VRTN: variants seen among roughly 807,000 people sequenced by gnomAD.
VRTN encodes the protein vertebrae development associated.
VRTN carries 5 observed loss-of-function variants against 18.2 expected under a neutral mutation model. The ratio of observed to expected loss-of-function variants is 0.27; its 90% CI spans 0.14 to 0.58. The LOEUF (loss-of-function observed/expected upper bound fraction) is 0.58. Ranked by LOEUF, VRTN falls within the 20% of genes least tolerant of loss-of-function variation. VRTN has a pLI of 0.91. For missense variants in VRTN, 741 were observed against 939.4 expected (o/e 0.79, Z 2.76); for synonymous variants, 381 against 393.7 (o/e 0.97, Z 0.38).
At chr14:74,308,882 T>G (rs1199180003) in intron 1 of VRTN, among the ~76,000 whole-genome samples, 1 of 141,274 alleles carries the variant, frequency 7.1e-6, no homozygotes, top group Non-Finnish European at 1.5e-5. Context: ...TTTTTTTTTT[T>G]GAGACAGTCT....
At chr14:74,351,787 C>G (rs1942274940) in intron 1 of VRTN, among the ~76,000 whole-genome samples, 2 of 151,764 alleles carry the variant, frequency 1.3e-5, no homozygotes, top group African/African-American at 4.8e-5. Context: ...GGGCTGATTA[C>G]CAATTTTTAA....
At chr14:74,351,213 C>A (rs1595174879) in intron 1 of VRTN, among the ~76,000 whole-genome samples, 1 of 152,318 alleles carries the variant, frequency 6.6e-6, no homozygotes, top group East Asian at 1.9e-4. Flanking sequence ...ACAGTTTGTT[C>A]TTCAGGATTC....
At chr14:74,308,516 G>C (rs574857866) in intron 1 of VRTN, among the ~76,000 whole-genome samples, 71 of 152,024 alleles carry the variant, frequency 4.7e-4, no homozygotes, top group Middle Eastern at 6.8e-3. Context: ...GCCCTTCAAG[G>C]CTTCTTTTTT....
At chr14:74,323,025 C>T (rs1402270602) in intron 1 of VRTN, among the ~76,000 whole-genome samples, 8 of 152,000 alleles carry the variant, frequency 5.3e-5, no homozygotes, top group Non-Finnish European at 1.2e-4. Flanking sequence ...CCTAACTACT[C>T]GGGAGGCTGA....
chr14:74,347,497 A>C (rs1202116157), upstream of VRTN, among the ~76,000 whole-genome samples: 2 of 152,260 alleles, frequency 1.3e-5, no homozygotes, highest in East Asian at 3.8e-4. Context: ...GAGCTGGAGC[A>C]TAATGGATGC....
chr14:74,340,984 C>T lies in VRTN; in HGVS notation c.-2+3100C>T, dbSNP rs144386912. On this transcript the variant is annotated intron_variant, in intron 2 of 2. Transcript: ENST00000557177. ...GTCTTGATCTCCTGACCCTGTGATC[C>T]GCCTGCCTCGGCCTCCCAGAGTGCT... Among the ~76,000 whole-genome samples, 614 of 152,128 alleles carry T rather than the reference C, an allele frequency of 4.0e-3. 5 individuals are homozygous for T. The highest frequency in any genetic ancestry group is 0.014 in the African/African-American group (581 of 41,500).
intron 1 of VRTN, among the ~76,000 whole-genome samples, chr14:74,319,334 G>T (rs908449875): frequency 2.0e-5 from 3 of 152,182 alleles, no homozygotes; most frequent in Admixed American, 2.0e-4. Context: ...CCCGCGCCTG[G>T]CCCCCTCGGG....
At chr14:74,323,819 T>G (rs971371290) in intron 1 of VRTN, among the ~76,000 whole-genome samples, 2 of 152,178 alleles carry the variant, frequency 1.3e-5, no homozygotes, top group Non-Finnish European at 2.9e-5. Context: ...GGTTGCCAGA[T>G]AAAATATGGC....
chr14:74,326,462 TGGAG>T (rs2085488296), intron 1 of VRTN, among the ~76,000 whole-genome samples: 1 of 152,112 alleles, frequency 6.6e-6, no homozygotes, highest in East Asian at 1.9e-4. Context: ...TTCACAGCCC[TGGAG>T]GATGGAAGCT....
chr14:74,357,758 C>A lies in VRTN; in HGVS notation c.975C>A (p.His325Gln), dbSNP rs760836818. 1 of 1,613,282 alleles carries A rather than the reference C, an allele frequency of 6.2e-7. No individual in the cohort carries two copies. Among genetic ancestry groups the A allele is most frequent in the Non-Finnish European group, 8.5e-7 (1 of 1,180,044 alleles). ...AGCACTTCCTGCAGGACAGCTTCCA[C>A]CGGGGGGGCGTCGTGCCACTTCAGC... ...SAKHFLQDSF[H>Q]RGGVVPLQQF... The change falls in exon 2 of 2, where the codon CAC (histidine) becomes CAA (glutamine). Residue 325 changes from histidine (H) to glutamine (Q), a missense_variant. His to Gln is a conservative substitution (Grantham distance 24). Transcript: ENST00000256362. This position sits in a 1 kb window ranked among gnomAD's most constrained non-coding sequence, Gnocchi z 7.8.
intron 1 of VRTN, among the ~76,000 whole-genome samples, chr14:74,354,008 A>G (rs1272261442): frequency 6.6e-6 from 1 of 152,174 alleles, no homozygotes; most frequent in Non-Finnish European, 1.5e-5. Context: ...TCCCGACCTC[A>G]AGTGATCTGC....
chr14:74,342,505 G>T (rs1385862498), intron 2 of VRTN, among the ~76,000 whole-genome samples: 1 of 152,020 alleles, frequency 6.6e-6, no homozygotes, highest in Non-Finnish European at 1.5e-5. Flanking sequence ...ATATGTGTAT[G>T]TGTGTGCATA....
intron 2 of VRTN, among the ~76,000 whole-genome samples, chr14:74,340,182 A>G (rs987139683): frequency 6.2e-5 from 9 of 145,856 alleles, no homozygotes; most frequent in Non-Finnish European, 1.2e-4. Context: ...GCACGATCTC[A>G]GCTCACCGCA....
At chr14:74,322,151 T>A (rs889360133) in intron 1 of VRTN, among the ~76,000 whole-genome samples, 1 of 143,670 alleles carries the variant, frequency 7.0e-6, no homozygotes, top group African/African-American at 2.7e-5. Flanking sequence ...CGGCTCCCCA[T>A]ATTTTTTTTT....
At chr14:74,329,345 C>T (rs932118894) in intron 1 of VRTN, among the ~76,000 whole-genome samples, 23 of 151,854 alleles carry the variant, frequency 1.5e-4, no homozygotes, top group African/African-American at 5.3e-4. Context: ...TCTTCCAGGG[C>T]TCCAGTGATC....
rs912490136 is a variant in VRTN, at chr14:74,358,198, T to G, written c.1415T>G (p.Val472Gly). The change falls in exon 2 of 2, where the codon GTA (valine) becomes GGA (glycine). Residue 472 changes from valine (V) to glycine (G), a missense_variant. Val to Gly is a moderately radical substitution (Grantham distance 109). This residue lies in a region of VRTN where 494 missense variants were observed against 546.5 expected (regional missense o/e 0.90). Coordinates refer to ENST00000256362, the MANE Select transcript of VRTN (RefSeq NM_018228.3). The surrounding 1 kb of genome is among the most constrained non-coding windows in gnomAD (Gnocchi z 5.4). ...CTAGCATCTGTTGGGGAAGGGGCTG[T>G]AATTCCTTGGAAGAGTGAGGCGGAA... ...PQLASVGEGA[V>G]IPWKSEAEEG... 8.1e-6 allele frequency: 13 copies of G among 1,613,450 alleles called. No individual in the cohort carries two copies. The highest frequency in any genetic ancestry group is 5.0e-5 in the Admixed American group (3 of 60,002).
intron 1 of VRTN, among the ~76,000 whole-genome samples, chr14:74,326,039 C>T (rs1156802974): frequency 1.3e-5 from 2 of 152,116 alleles, no homozygotes; most frequent in Non-Finnish European, 2.9e-5. Flanking sequence ...AAGAATGCGG[C>T]TCTGAAAGGT....
chr14:74,349,974 TC>T (rs1169789027), intron 1 of VRTN, among the ~76,000 whole-genome samples: 1 of 151,946 alleles, frequency 6.6e-6, no homozygotes, highest in Non-Finnish European at 1.5e-5. Context: ...TCAGATCACT[TC>T]CAAGAGTTGT....
chr14:74,343,134 CT>C (rs772225754), intron 2 of VRTN, among the ~76,000 whole-genome samples: 20 of 147,856 alleles, frequency 1.4e-4, no homozygotes, highest in Admixed American at 2.0e-4. Context: ...ATTGATACAA[CT>C]TTTTTTTTTT....
Sources: gnomAD v4.1 joint callset for allele counts (sites outside exome capture counted in the v4.1 genomes callset) on GRCh38, gnomAD v4.1.1 for gene constraint, gnomAD v4.1.1 regional missense constraint, Gnocchi (gnomAD v3.1) non-coding constraint, MANE v1.5 for transcripts, NCBI Gene and HGNC (gene_info 2026-07-23, HGNC 2026-07-21) for gene names.